ARID5B: variants seen among roughly 807,000 people sequenced by gnomAD.
ARID5B encodes AT-rich interactive domain-containing protein 5B.
In ARID5B, 13 loss-of-function variants were observed where a neutral mutation model predicts 97.2. That is an observed-to-expected ratio of 0.13 (90% CI 0.09 to 0.21). The LOEUF is 0.21. ARID5B is among the 10% of genes least tolerant of loss of function. The pLI, the probability that ARID5B is intolerant of heterozygous loss-of-function variation, is 1.00. For missense variants in ARID5B, 1,210 were observed against 1,465.3 expected (o/e 0.83, Z 2.84); for synonymous variants, 556 against 570.3 (o/e 0.97, Z 0.36).
At chr10:61,947,393 C>T (rs1003746591) in intron 3 of ARID5B, among the ~76,000 whole-genome samples, 1 of 151,718 alleles carries the variant, frequency 6.6e-6, no homozygotes, top group Non-Finnish European at 1.5e-5. Flanking sequence ...CTCAGCCTCC[C>T]AAGTAGCTGG....
At chr10:61,968,871 G>T (rs1363681507) in intron 3 of ARID5B, among the ~76,000 whole-genome samples, 1 of 152,152 alleles carries the variant, frequency 6.6e-6, no homozygotes, top group Non-Finnish European at 1.5e-5. Flanking sequence ...ACAAAGAAAA[G>T]CTTCTATTTA....
rs1844377517 is a variant in ARID5B, at chr10:61,940,320, A to G, written c.414A>G (p.Gly138=). Residue 138 remains glycine (G), a synonymous_variant, in exon 3 of 10, where the codon GGA becomes GGG. Transcript: ENST00000279873. ...PVKTEALGRN[G]QKEALLKYRQ... ...AAACTGAGGCCTTGGGAAGGAATGG[A>G]CAGAAGGAAGCTCTGCTGAAGTACA... The G allele has an allele frequency of 6.2e-7, 1 of 1,614,170 alleles. No individual in the cohort carries two copies.
At chr10:62,085,609 T>C in intron 8 of ARID5B, 93 bp from the exon 9 acceptor site, 1 of 982,652 alleles carries the variant, frequency 1.0e-6, no homozygotes, top group Non-Finnish European at 1.5e-6. Context: ...ATTTAATAAT[T>C]TGCTTATATT....
At chr10:62,054,650 G>C (rs892436908) in intron 5 of ARID5B, among the ~76,000 whole-genome samples, 2 of 152,186 alleles carry the variant, frequency 1.3e-5, no homozygotes, top group African/African-American at 4.8e-5. Context: ...ATGAGGAAGA[G>C]GGTTAAGCAG....
intron 4 of ARID5B, among the ~76,000 whole-genome samples, chr10:62,025,670 T>C (rs919798010): frequency 2.0e-5 from 3 of 152,200 alleles, no homozygotes; most frequent in Admixed American, 6.5e-5. Context: ...TACAAATCAC[T>C]CTTGATCAAG....
At chr10:61,992,377 C>A (rs1221518881) in intron 3 of ARID5B, among the ~76,000 whole-genome samples, 2 of 152,108 alleles carry the variant, frequency 1.3e-5, no homozygotes, top group Non-Finnish European at 2.9e-5. Flanking sequence ...AGAGTGGTAG[C>A]AGTGTTTGGT....
intron 2 of ARID5B, among the ~76,000 whole-genome samples, chr10:61,934,254 G>C (rs116131654): frequency 0.02 from 2,975 of 152,312 alleles, 93 homozygotes; most frequent in African/African-American, 0.068. Flanking sequence ...ATTGTGGCCT[G>C]TTTGATCTTT....
chr10:62,019,177 G>A (rs1839322169), intron 4 of ARID5B, among the ~76,000 whole-genome samples: 3 of 152,110 alleles, frequency 2.0e-5, no homozygotes, highest in Non-Finnish European at 2.9e-5. Flanking sequence ...CTAGCACAAT[G>A]GAAAAGAGAA....
At chr10:61,951,519 G>A (rs777101019) in intron 3 of ARID5B, among the ~76,000 whole-genome samples, 11 of 152,104 alleles carry the variant, frequency 7.2e-5, no homozygotes, top group Non-Finnish European at 1.2e-4. Context: ...TCATGCCTAC[G>A]GGATAAAATA....
At chr10:61,996,119 T>C (rs1358385982) in intron 3 of ARID5B, among the ~76,000 whole-genome samples, 1 of 152,102 alleles carries the variant, frequency 6.6e-6, no homozygotes. Context: ...TCCTATCACA[T>C]GCATAGAAAG....
intron 4 of ARID5B, among the ~76,000 whole-genome samples, chr10:62,007,178 G>A (rs1171613070): frequency 1.3e-5 from 2 of 152,150 alleles, no homozygotes; most frequent in Non-Finnish European, 2.9e-5. Context: ...ATAAGTCTAT[G>A]TTCGCTTGAC....
chr10:61,934,280 A>G lies in ARID5B; in HGVS notation c.277-5903A>G, dbSNP rs967085128. ...TTTGATCTTTCTACCCAGACCACTAAAACTTTCTCCATATCAGCAGTAAGT... is the reference window on the plus strand; with the variant it reads ...TTTGATCTTTCTACCCAGACCACTAGAACTTTCTCCATATCAGCAGTAAGT... On this transcript the variant is annotated intron_variant, in intron 2 of 9. Coordinates refer to ENST00000279873, the MANE Select transcript of ARID5B (RefSeq NM_032199.3). Among the ~76,000 whole-genome samples, 7 of 152,214 alleles carry G rather than the reference A, an allele frequency of 4.6e-5. No homozygotes were observed. In the South Asian group the frequency reaches 6.2e-4, roughly 14 times the overall value.
At chr10:61,925,248 T>C (rs943753971) in intron 2 of ARID5B, among the ~76,000 whole-genome samples, 1 of 151,998 alleles carries the variant, frequency 6.6e-6, no homozygotes, top group Non-Finnish European at 1.5e-5. Context: ...GTTAAAGTAA[T>C]GGTCGAGTCA....
At chr10:62,036,125 A>G (rs909132112) in intron 4 of ARID5B, among the ~76,000 whole-genome samples, 3 of 152,124 alleles carry the variant, frequency 2.0e-5, no homozygotes, top group African/African-American at 7.2e-5. Flanking sequence ...GCACCTGGCC[A>G]AGGAAGCTTT....
At chr10:62,082,180 T>C (rs1394760674) in intron 8 of ARID5B, among the ~76,000 whole-genome samples, 1 of 152,208 alleles carries the variant, frequency 6.6e-6, no homozygotes, top group Non-Finnish European at 1.5e-5. Flanking sequence ...ACAAATCTTA[T>C]GCCTATGGAA....
intron 3 of ARID5B, among the ~76,000 whole-genome samples, chr10:61,941,534 C>T (rs1390882712): frequency 6.6e-6 from 1 of 150,908 alleles, no homozygotes; most frequent in Non-Finnish European, 1.5e-5. Context: ...TTTTTTAAAC[C>T]CAGAACTTAA....
intron 4 of ARID5B, among the ~76,000 whole-genome samples, chr10:62,034,498 C>G (rs773021562): frequency 2.6e-5 from 4 of 152,224 alleles, no homozygotes; most frequent in Non-Finnish European, 4.4e-5. Flanking sequence ...TACTCAGGAG[C>G]TATGCGCTTA....
chr10:62,051,407 CAG>C (rs1839788741), intron 5 of ARID5B, among the ~76,000 whole-genome samples: 1 of 152,172 alleles, frequency 6.6e-6, no homozygotes, highest in Non-Finnish European at 1.5e-5. Context: ...TGGAGATTAA[CAG>C]AGGATGAAAT....
At chr10:61,916,331 T>C (rs1032469015) in intron 2 of ARID5B, among the ~76,000 whole-genome samples, 18 of 152,234 alleles carry the variant, frequency 1.2e-4, no homozygotes, top group African/African-American at 4.3e-4. Flanking sequence ...CGTTTACAAA[T>C]GGTCTCTGGC....
Sources: gnomAD v4.1 joint callset for allele counts (sites outside exome capture counted in the v4.1 genomes callset) on GRCh38, gnomAD v4.1.1 for gene constraint, MANE v1.5 for transcripts, NCBI Gene and HGNC (gene_info 2026-07-23, HGNC 2026-07-21) for gene names.